Variants in CEP295NL observed in about 807,000 individuals in gnomAD.
CEP295NL encodes CEP295 N-terminal like, also known as protein DDC8 homolog.
In CEP295NL, 3 loss-of-function variants were observed where a neutral mutation model predicts 4.6. The ratio of observed to expected loss-of-function variants is 0.65; its 90% CI spans 0.30 to 1.69. The LOEUF (loss-of-function observed/expected upper bound fraction) is 1.69, where lower values mean the gene tolerates loss of function less well. Ranked by LOEUF, CEP295NL falls within the 40% of genes most tolerant of loss-of-function variation. CEP295NL has a pLI of 0.10. For missense variants in CEP295NL, 719 were observed against 769.0 expected, an observed-to-expected ratio of 0.93 and a Z score of 0.77; for synonymous variants, 295 against 312.2, an observed-to-expected ratio of 0.94 and a Z score of 0.58.
chr17:78,894,378 T>C (rs2069965344), intron 2 of CEP295NL, among the ~76,000 whole-genome samples: 1 of 152,008 alleles, frequency 6.6e-6, no homozygotes, highest in Admixed American at 6.6e-5. Flanking sequence ...TGGGAGGTCC[T>C]TGCACCTCTT....
Position 78,892,153 on chromosome 17 carries a change from C to T in CEP295NL, c.351G>A (p.Gly117=), listed in dbSNP as rs2069909018. Residue 117 remains glycine, a synonymous_variant, in exon 3 of 3, where the codon GGG becomes GGA. Transcript: ENST00000322630. The part of the protein sequence containing the change: ...LQRLAEELRR[G]YQEAQHLHVG... ...CGTGCAGGTGCTGTGCCTCCTGATA[C>T]CCTCTCCTCAACTCCTCAGCCAAGC... is the stretch of plus-strand genomic sequence containing the variant. 8 of 1,550,828 alleles carry T rather than the reference C, an allele frequency of 5.2e-6. No homozygotes were observed. The South Asian group carries it at 9.5e-5, about 18-fold the overall frequency.
chr17:78,898,376 G>A (rs545773590), intron 2 of CEP295NL: 1 of 152,252 alleles, frequency 6.6e-6, no homozygotes, highest in Non-Finnish European at 1.5e-5. Flanking sequence ...TGCTGCCCAG[G>A]GAGGTCAGAG....
In CEP295NL at chr17:78,890,839, G is replaced by A. The variant is rs924595888; in HGVS notation, c.1665C>T (p.Ser555=). The A allele has an allele frequency of 3.5e-5, 55 of 1,550,504 alleles. No homozygotes were observed. Among genetic ancestry groups the A allele is most frequent in the Non-Finnish European group, 4.0e-5 (46 of 1,147,028 alleles). Residue 555 remains serine (S), a synonymous_variant, in exon 3 of 3, where the codon TCC becomes TCT. Transcript: ENST00000322630. ...QRRARLAHLK[S]SSTRAQERER... ...CCCTTTCCTGGGCTCTCGTGGAGGA[G>A]GACTTCAGATGGGCCAGTCGAGCTC...
At chr17:78,901,482 G>A (rs190392264) in intron 2 of CEP295NL, among the ~76,000 whole-genome samples, 90 of 152,226 alleles carry the variant, frequency 5.9e-4, no homozygotes, top group Middle Eastern at 3.4e-3. Flanking sequence ...CCGCAGGCTT[G>A]GAGTCCAGGA....
intron 2 of CEP295NL, chr17:78,897,969 C>G (rs2070029563): frequency 6.6e-6 from 1 of 152,168 alleles, no homozygotes; most frequent in Admixed American, 6.5e-5. Context: ...CTCCATCATT[C>G]AGGAATTGAT....
rs1312432476 is a variant in CEP295NL, at chr17:78,891,452, A to T, written c.1052T>A (p.Ile351Lys). The T allele has an allele frequency of 6.4e-7, 1 of 1,550,886 alleles. No individual in the cohort carries two copies. Among genetic ancestry groups the T allele is most frequent in the African/African-American group, 1.4e-5 (1 of 73,006 alleles). The change falls in exon 3 of 3, where the codon ATA becomes AAA. Residue 351 changes from isoleucine to lysine, a missense_variant. Ile to Lys is a moderately radical substitution (Grantham distance 102). Transcript: ENST00000322630. This position sits in a 1 kb window ranked among gnomAD's most constrained non-coding sequence, Gnocchi z 4.5. ...LELAFEELFN[I>K]NRKLKKHLCL... ...CAGGTGTTTTTTCAGCTTTCTGTTT[A>T]TATTAAACAACTCTTCAAAGGCCAA...
At chr17:78,894,712 G>A (rs1236059806) in intron 2 of CEP295NL, among the ~76,000 whole-genome samples, 1 of 152,012 alleles carries the variant, frequency 6.6e-6, no homozygotes, top group South Asian at 2.1e-4. Flanking sequence ...AGAAAACGTA[G>A]GTGTATATTC....
chr17:78,901,701 A>G (rs1210617733), intron 2 of CEP295NL, 84 bp downstream of exon 2: 8 of 716,536 alleles, frequency 1.1e-5, no homozygotes, highest in Non-Finnish European at 1.3e-5. Context: ...GATGATAACA[A>G]CAGCAGCACC....
chr17:78,891,850 G>A lies in CEP295NL; in HGVS notation c.654C>T (p.Ala218=). The A allele has an allele frequency of 6.4e-7, 1 of 1,550,684 alleles. No homozygotes were observed. The highest frequency in any genetic ancestry group is 8.7e-7 in the Non-Finnish European group (1 of 1,147,012). The part of the protein sequence containing the change: ...KATGRMNSHL[A]PPEKRKGRPE... ...GCCTTCCCTTTCTCTTCTCAGGCGGGGCCAGGTGAGAATTCATCCGACCCG... is the reference window on the plus strand; with the variant it reads ...GCCTTCCCTTTCTCTTCTCAGGCGGAGCCAGGTGAGAATTCATCCGACCCG... The change falls in exon 3 of 3, where the codon GCC becomes GCT. Residue 218 remains alanine (A), a synonymous_variant. Coordinates refer to ENST00000322630, the MANE Select transcript of CEP295NL (RefSeq NM_001243540.2). This position sits in a 1 kb window ranked among gnomAD's most constrained non-coding sequence, Gnocchi z 4.5.
chr17:78,900,763 A>C (rs980384257), intron 2 of CEP295NL, among the ~76,000 whole-genome samples: 2 of 152,172 alleles, frequency 1.3e-5, no homozygotes, highest in Non-Finnish European at 2.9e-5. Context: ...AAATCTTACA[A>C]GATAAAAAAA....
At chr17:78,902,266 C>T (rs1282325226) in intron 1 of CEP295NL, among the ~76,000 whole-genome samples, 1 of 152,248 alleles carries the variant, frequency 6.6e-6, no homozygotes, top group African/African-American at 2.4e-5. Context: ...CGCCACCACA[C>T]CCAGCTAATT....
At position 78,901,945 on chromosome 17, in the gene CEP295NL, A is replaced by C. The variant is rs1270908341; in HGVS notation, c.-98-19T>G. 3 of 601,078 alleles carry C rather than the reference A, an allele frequency of 5.0e-6. No individual in the cohort carries two copies. The highest frequency in any genetic ancestry group is 9.2e-6 in the Non-Finnish European group (3 of 327,766). The allele number at this position is 601,078 out of a possible 1,614,324, so 37.2% of individuals were successfully genotyped here. A position where few individuals can be genotyped will look rare whatever the true frequency, so the allele number is the denominator to read the frequency against. ...CCCATCACTGGAGGCATCCGAACCA[A>C]GCCCAGATAAAACAAACATCAGAAA... On this transcript the variant is annotated intron_variant, in intron 1 of 2. Transcript: ENST00000322630.
chr17:78,893,538 T>C (rs1415490598), intron 2 of CEP295NL, among the ~76,000 whole-genome samples: 1 of 151,890 alleles, frequency 6.6e-6, no homozygotes, highest in Non-Finnish European at 1.5e-5. Context: ...TTTATGTTTC[T>C]GTGCACATGC....
rs1233692365 is a variant in CEP295NL at position 78,890,589 on chromosome 17, G to A, written c.*49C>T. 2.6e-6 allele frequency: 4 copies of A among 1,513,792 alleles called. No homozygotes were observed. The highest frequency in any genetic ancestry group is 3.6e-6 in the Non-Finnish European group (4 of 1,123,034). 93.8% of individuals were successfully genotyped at this position (1,513,792 alleles called of 1,614,324 possible). On this transcript the variant is annotated 3_prime_UTR_variant, in exon 3 of 3. Transcript: ENST00000322630. ...TCTTAGAGACCCGGGTACCAGTGCT[G>A]GCAGCACCATTATCAGTGATGTATT...
chr17:78,892,338 T>C lies in CEP295NL; in HGVS notation c.166A>G (p.Asn56Asp). The change falls in exon 3 of 3, where the codon AAC (asparagine) becomes GAC (aspartate). Residue 56 changes from asparagine to aspartate, a missense_variant. Transcript: ENST00000322630. ...CACATGGCTCCATCCATGTTTCTGT[T>C]CCTGTCTGCGAACCCAGCAGATACA... ...EAVSAGFADR[N>D]RNMDGAMWLS... 6.4e-7 allele frequency: 1 copy of C among 1,550,606 alleles called. No individual in the cohort carries two copies. The highest frequency in any genetic ancestry group is 8.7e-7 in the Non-Finnish European group (1 of 1,147,008).
chr17:78,893,100 T>C (rs572244281), intron 2 of CEP295NL, among the ~76,000 whole-genome samples: 1 of 150,372 alleles, frequency 6.7e-6, no homozygotes, highest in Admixed American at 6.6e-5. Context: ...GGGGTGTGTG[T>C]GGGTGTGTGC....
At chr17:78,897,158 T>G in intron 2 of CEP295NL, 3 of 212,218 alleles carry the variant, frequency 1.4e-5, no homozygotes, top group Non-Finnish European at 2.4e-5. Context: ...TGCTGTGCAC[T>G]CCTGTGGCAT....
At chr17:78,899,112 C>G (rs1342507701) in intron 2 of CEP295NL, 1 of 152,320 alleles carries the variant, frequency 6.6e-6, no homozygotes, top group Non-Finnish European at 1.5e-5. Flanking sequence ...CTCTAAAGCG[C>G]TCCCAGGGAT....
At chr17:78,897,126 C>A (rs1397980139) in intron 2 of CEP295NL, 3 of 377,728 alleles carry the variant, frequency 7.9e-6, no homozygotes, top group Non-Finnish European at 1.1e-5. Context: ...CTCCTCACCC[C>A]CTCCGAAGGA....
Sources: allele counts gnomAD v4.1 joint callset (sites outside exome capture counted in the v4.1 genomes callset), GRCh38; gene constraint gnomAD v4.1.1; non-coding constraint Gnocchi (gnomAD v3.1); transcripts MANE v1.5; gene names NCBI Gene and HGNC (gene_info 2026-07-23, HGNC 2026-07-21).